The following NKAIN3 variants were observed in gnomAD, a reference collection of about 807,000 sequenced individuals.
NKAIN3 encodes the protein sodium/potassium transporting ATPase interacting 3, also known as sodium/potassium-transporting ATPase subunit beta-1-interacting protein 3.
NKAIN3 carries 25 observed loss-of-function variants against 30.2 expected under a neutral mutation model. That is an observed-to-expected ratio of 0.83 (90% CI 0.60 to 1.16). The LOEUF (loss-of-function observed/expected upper bound fraction) is 1.16, where lower values mean the gene tolerates loss of function less well. Among genes scored for constraint, NKAIN3 ranks in the 50% most tolerant of loss-of-function variants. NKAIN3 has a pLI of 0.00. For missense variants in NKAIN3, 225 were observed against 254.1 expected (o/e 0.89, Z 0.78); for synonymous variants, 91 against 89.6 (o/e 1.02, Z -0.09).
intron 1 of NKAIN3, among the ~76,000 whole-genome samples, chr8:62,352,943 A>T (rs970335670): frequency 2.0e-5 from 3 of 152,340 alleles, no homozygotes; most frequent in South Asian, 4.1e-4. Flanking sequence ...AGGCAGACTG[A>T]TGACTTCAGG....
chr8:62,443,864 T>C (rs1805405089), intron 1 of NKAIN3, among the ~76,000 whole-genome samples: 1 of 152,198 alleles, frequency 6.6e-6, no homozygotes, highest in African/African-American at 2.4e-5. Flanking sequence ...ACAGAAATAA[T>C]TTTTTGTTGT....
chr8:62,874,483 T>C (rs1820735723), intron 4 of NKAIN3, among the ~76,000 whole-genome samples: 1 of 152,242 alleles, frequency 6.6e-6, no homozygotes, highest in African/African-American at 2.4e-5. Flanking sequence ...AGTATCATGC[T>C]GATACCAAAA....
chr8:62,330,266 A>T (rs561371004), intron 1 of NKAIN3, among the ~76,000 whole-genome samples: 1 of 152,038 alleles, frequency 6.6e-6, no homozygotes, highest in African/African-American at 2.4e-5. Flanking sequence ...AAAAGTATAT[A>T]TCACAGGAAG....
intron 1 of NKAIN3, among the ~76,000 whole-genome samples, chr8:62,540,721 T>C (rs1346242286): frequency 6.7e-6 from 1 of 149,582 alleles, no homozygotes; most frequent in Non-Finnish European, 1.5e-5. Context: ...GTGATGTTCA[T>C]GTGTGTGTGT....
chr8:62,583,437 A>G (rs1462530536), intron 2 of NKAIN3, among the ~76,000 whole-genome samples: 1 of 152,190 alleles, frequency 6.6e-6, no homozygotes, highest in Non-Finnish European at 1.5e-5. Flanking sequence ...TATCTTATTC[A>G]GGATCCTCTC....
intron 4 of NKAIN3, among the ~76,000 whole-genome samples, chr8:62,887,342 G>T (rs1298717343): frequency 6.6e-6 from 1 of 151,866 alleles, no homozygotes; most frequent in Non-Finnish European, 1.5e-5. Flanking sequence ...TGATAGGCCT[G>T]TATGTAGTTT....
At chr8:62,834,173 C>A (rs932858348) in intron 4 of NKAIN3, among the ~76,000 whole-genome samples, 2 of 151,932 alleles carry the variant, frequency 1.3e-5, no homozygotes, top group African/African-American at 4.8e-5. Context: ...AAAGAACATA[C>A]CTCAAAATAG....
At chr8:62,642,356 A>G (rs977452674) in intron 3 of NKAIN3, among the ~76,000 whole-genome samples, 2 of 152,118 alleles carry the variant, frequency 1.3e-5, no homozygotes, top group Non-Finnish European at 2.9e-5. Context: ...CATTACAAAG[A>G]CATAATATCA....
chr8:62,616,190 T>C (rs2101047), intron 3 of NKAIN3, among the ~76,000 whole-genome samples: 3,596 of 152,018 alleles, frequency 0.024, 103 homozygotes, highest in African/African-American at 0.075. Flanking sequence ...CAAATGGAGG[T>C]CCAACAACTC....
At chr8:62,870,060 G>T (rs1413996943) in intron 4 of NKAIN3, among the ~76,000 whole-genome samples, 1 of 151,356 alleles carries the variant, frequency 6.6e-6, no homozygotes, top group Non-Finnish European at 1.5e-5. Flanking sequence ...GTGAGCCACC[G>T]CGCCCAGCCC....
intron 3 of NKAIN3, among the ~76,000 whole-genome samples, chr8:62,668,111 T>TACACACACACACAC (rs5891867): frequency 2.7e-5 from 4 of 149,126 alleles, no homozygotes; most frequent in African/African-American, 9.8e-5. Context: ...CACACACACA[T>TACACACACACACAC]ACACACACAC....
At chr8:62,416,208 A>G (rs114904966) in intron 1 of NKAIN3, among the ~76,000 whole-genome samples, 2 of 152,176 alleles carry the variant, frequency 1.3e-5, no homozygotes, top group African/African-American at 2.4e-5. Flanking sequence ...GCCGTCTACC[A>G]TCTACAATTC....
intron 1 of NKAIN3, among the ~76,000 whole-genome samples, chr8:62,504,921 T>C (rs1585883225): frequency 6.6e-6 from 1 of 152,208 alleles, no homozygotes; most frequent in South Asian, 2.1e-4. Flanking sequence ...AATGCTCTTC[T>C]TCCCTGATAA....
intron 3 of NKAIN3, among the ~76,000 whole-genome samples, chr8:62,681,007 GAAATTA>G (rs1420213323): frequency 1.3e-5 from 2 of 152,060 alleles, no homozygotes; most frequent in African/African-American, 4.8e-5. Context: ...TTTGTAATAT[GAAATTA>G]AAATTAGAAT....
chr8:62,466,992 C>T (rs989570734), intron 1 of NKAIN3, among the ~76,000 whole-genome samples: 2 of 152,112 alleles, frequency 1.3e-5, no homozygotes, highest in Non-Finnish European at 1.5e-5. Context: ...GGCTTAAATT[C>T]GAATCCATGG....
intron 1 of NKAIN3, among the ~76,000 whole-genome samples, chr8:62,376,751 A>C (rs1817096419): frequency 6.6e-6 from 1 of 152,084 alleles, no homozygotes; most frequent in South Asian, 2.1e-4. Context: ...ATATATTTAC[A>C]CTCTATTATT....
At chr8:62,531,987 T>A (rs1808504341) in intron 1 of NKAIN3, among the ~76,000 whole-genome samples, 1 of 152,166 alleles carries the variant, frequency 6.6e-6, no homozygotes, top group South Asian at 2.1e-4. Context: ...TTAATACACC[T>A]TACTCCAGCA....
At chr8:62,552,246 G>C (rs993183457) in intron 1 of NKAIN3, among the ~76,000 whole-genome samples, 1 of 152,030 alleles carries the variant, frequency 6.6e-6, no homozygotes, top group African/African-American at 2.4e-5. Context: ...TAGTTAACTT[G>C]GTTAAAAGAA....
In NKAIN3 at chr8:62,305,376, T is replaced by C. The variant is rs1050925479; in HGVS notation, c.54+56249T>C. Reference sequence around the variant, plus strand: ...GGGAATTCCATAACGCATACAGATATAATTTTGACAAGGTCCTACTGCAAA... The same window carrying C: ...GGGAATTCCATAACGCATACAGATACAATTTTGACAAGGTCCTACTGCAAA... On this transcript the variant is annotated intron_variant, in intron 1 of 6. Transcript: ENST00000623646. Among the ~76,000 whole-genome samples, 6 of 150,424 alleles carry C rather than the reference T, an allele frequency of 4.0e-5. 1 individual carries two copies. Among genetic ancestry groups the C allele is most frequent in the African/African-American group, 1.5e-4 (6 of 39,840 alleles).
Sources: gnomAD v4.1 joint callset for allele counts (sites outside exome capture counted in the v4.1 genomes callset) on GRCh38, gnomAD v4.1.1 for gene constraint, MANE v1.5 for transcripts, NCBI Gene and HGNC (gene_info 2026-07-23, HGNC 2026-07-21) for gene names.